The following NID1 variants were observed in gnomAD, a reference collection of about 807,000 sequenced individuals.
NID1 encodes the protein nidogen 1.
NID1 carries 76 observed loss-of-function variants against 130.6 expected under a neutral mutation model. The observed-to-expected ratio is 0.58, with a 90% CI of 0.48 to 0.70. The LOEUF (loss-of-function observed/expected upper bound fraction) is 0.70, where lower values mean the gene tolerates loss of function less well. Ranked by LOEUF, NID1 falls within the 30% of genes least tolerant of loss-of-function variation. The pLI, the probability that NID1 is intolerant of heterozygous loss-of-function variation, is 0.00. For synonymous variants in NID1, 665 were observed against 675.1 expected, an observed-to-expected ratio of 0.98 and a Z score of 0.23; for missense variants, 1,517 against 1,664.8, an observed-to-expected ratio of 0.91 and a Z score of 1.54.
chr1:236,062,456 G>A (rs1249932271), intron 1 of NID1, among the ~76,000 whole-genome samples: 1 of 151,930 alleles, frequency 6.6e-6, no homozygotes, highest in Non-Finnish European at 1.5e-5. Flanking sequence ...CCAACATGGA[G>A]AAACCCCGCC....
At chr1:235,992,320 C>CGTAAGTAGTT (rs1467991525) in intron 13 of NID1, among the ~76,000 whole-genome samples, 1 of 152,210 alleles carries the variant, frequency 6.6e-6, no homozygotes, top group Admixed American at 6.5e-5. Flanking sequence ...CGTTTCTCAC[C>CGTAAGTAGTT]TGGATTCATC....
At chr1:236,013,156 G>C (rs1281413912) in intron 11 of NID1, among the ~76,000 whole-genome samples, 2 of 152,202 alleles carry the variant, frequency 1.3e-5, no homozygotes, top group Non-Finnish European at 2.9e-5. Flanking sequence ...GTTCCTAGCA[G>C]AGAGCAGGTG....
intron 1 of NID1, chr1:236,060,738 T>A (rs1198423614): frequency 2.7e-5 from 4 of 148,002 alleles, no homozygotes; most frequent in African/African-American, 7.5e-5. Context: ...AAAGTTGATA[T>A]ACAAACCCCC....
intron 2 of NID1, 126 bp from the exon 3 acceptor site, chr1:236,045,809 T>A: frequency 1.4e-6 from 1 of 719,122 alleles, no homozygotes; most frequent in Non-Finnish European, 2.2e-6. Context: ...CACCTTATTC[T>A]AAAAGAAGGA....
intron 12 of NID1, among the ~76,000 whole-genome samples, chr1:236,004,913 C>T (rs909809127): frequency 3.9e-5 from 6 of 152,090 alleles, no homozygotes; most frequent in East Asian, 1.9e-4. Flanking sequence ...CGGTGGCTCA[C>T]GCCTGTAATC....
intron 9 of NID1, among the ~76,000 whole-genome samples, chr1:236,019,643 A>G (rs1335198821): frequency 1.3e-5 from 2 of 152,208 alleles, no homozygotes; most frequent in Non-Finnish European, 2.9e-5. Flanking sequence ...CATACACGCC[A>G]GACTAGACAA....
At chr1:236,007,874 G>C (rs1658294495) in intron 12 of NID1, among the ~76,000 whole-genome samples, 1 of 152,132 alleles carries the variant, frequency 6.6e-6, no homozygotes, top group Non-Finnish European at 1.5e-5. Flanking sequence ...TGTTTTAAGT[G>C]GCTAACTTTG....
In NID1 at chr1:235,980,096, G is replaced by A; in HGVS notation, c.3386-151C>T. ...CACATGAGGCTTGCTCTTAAAAACT[G>A]GCAAGTTGTCTCTTCCTCCCGTGTT... On this transcript the variant is annotated intron_variant, in intron 17 of 19. Transcript: ENST00000264187. 3.2e-6 allele frequency: 3 copies of A among 949,728 alleles called. No homozygotes were observed. In the Admixed American group the frequency reaches 6.7e-5, roughly 21 times the overall value. The allele number at this position is 949,728 out of a possible 1,614,324, so 58.8% of individuals were successfully genotyped here. A position where few individuals can be genotyped will look rare whatever the true frequency, so the allele number is the denominator to read the frequency against.
intron 9 of NID1, among the ~76,000 whole-genome samples, chr1:236,017,804 A>G (rs10927263): frequency 0.3 from 45,242 of 152,038 alleles, 7,318 homozygotes; most frequent in Non-Finnish European, 0.36. Context: ...CACCTCTCCT[A>G]GAGTTAATTT....
At position 236,045,492 on chromosome 1, in the gene NID1, A is replaced by C; in HGVS notation, c.717T>G (p.Phe239Leu). ...TTTCAACTGATTCCCTGTCATTAGC[A>C]AATATGTTATAAGCTCCGTTGCTCT... Reference protein sequence around the residue: ...LWKSNGAYNIFANDRESVENL... With the variant: ...LWKSNGAYNILANDRESVENL... The change falls in exon 3 of 20, where the codon TTT (phenylalanine) becomes TTG (leucine). Residue 239 changes from phenylalanine to leucine, a missense_variant. Transcript: ENST00000264187. The C allele has an allele frequency of 6.2e-7, 1 of 1,614,156 alleles. No homozygotes were observed. The highest frequency in any genetic ancestry group is 8.5e-7 in the Non-Finnish European group (1 of 1,180,016).
chr1:236,029,108 C>T (rs906280722), intron 7 of NID1, among the ~76,000 whole-genome samples: 5 of 150,970 alleles, frequency 3.3e-5, no homozygotes, highest in African/African-American at 7.3e-5. Context: ...GCCCAGGAGG[C>T]GGAGGTTGTA....
chr1:236,040,200 G>T (rs1308759894), intron 4 of NID1, among the ~76,000 whole-genome samples: 2 of 152,096 alleles, frequency 1.3e-5, no homozygotes, highest in African/African-American at 2.4e-5. Flanking sequence ...AACACATCTG[G>T]GGGAGATGAC....
rs186786482 is a variant in NID1 at position 235,993,634 on chromosome 1, C to T, written c.2755+11G>A. 2.2e-4 allele frequency: 343 copies of T among 1,526,218 alleles called. No individual in the cohort carries two copies. In the African/African-American group the frequency reaches 4.4e-3, roughly 20 times the overall value. The allele number at this position is 1,526,218 out of a possible 1,614,324, so 94.5% of individuals were successfully genotyped here. ...CAGGCACACGCCCAAGCACGGCCTG[C>T]ACCCACTTACACGGGGGCGTCATCC... On this transcript the variant is annotated intron_variant, in intron 13 of 19. Transcript: ENST00000264187.
intron 9 of NID1, among the ~76,000 whole-genome samples, chr1:236,019,564 C>T (rs980692236): frequency 6.6e-6 from 1 of 152,128 alleles, no homozygotes; most frequent in African/African-American, 2.4e-5. Context: ...ACAAATAGGA[C>T]CTCAGGGCTG....
chr1:236,055,164 C>T (rs1020955233), intron 1 of NID1, among the ~76,000 whole-genome samples: 30 of 151,574 alleles, frequency 2.0e-4, no homozygotes, highest in African/African-American at 6.5e-4. Context: ...ATTAGCCGGG[C>T]GTGGTGGCGG....
rs372952820 is a variant in NID1, at chr1:235,977,475, C to T, written c.*392G>A. 263 of 168,634 alleles carry T rather than the reference C, an allele frequency of 1.6e-3. No individual in the cohort carries two copies. Among genetic ancestry groups the T allele is most frequent in the African/African-American group, 5.7e-3 (240 of 41,954 alleles). The allele number at this position is 168,634 out of a possible 1,614,324, so 10.4% of individuals were successfully genotyped here. A position where few individuals can be genotyped will look rare whatever the true frequency, so the allele number is the denominator to read the frequency against. On this transcript the variant is annotated 3_prime_UTR_variant, in exon 20 of 20. Coordinates refer to ENST00000264187, the MANE Select transcript of NID1 (RefSeq NM_002508.3). ...CAAGGAGCTGACAGGACGGTGGGTA[C>T]CTCAAAGCGAGGCTGAGCTCATAAG...
At chr1:236,023,801 T>C (rs1658839916) in intron 9 of NID1, among the ~76,000 whole-genome samples, 1 of 152,214 alleles carries the variant, frequency 6.6e-6, no homozygotes, top group South Asian at 2.1e-4. Flanking sequence ...TACAACTCCT[T>C]TTAAACCTGT....
intron 14 of NID1, among the ~76,000 whole-genome samples, chr1:235,985,724 TTGTGTGTGTGTGTGTG>T (rs759787113): frequency 6.8e-6 from 1 of 147,588 alleles, no homozygotes; most frequent in Admixed American, 6.8e-5. Context: ...GTATAGGAAT[TTGTGTGTGTGTGTGTG>T]TGTGTGTGTG....
chr1:236,048,025 C>CAA (rs57153446), intron 2 of NID1, among the ~76,000 whole-genome samples: 1 of 33,934 alleles, frequency 2.9e-5, no homozygotes, highest in Non-Finnish European at 4.9e-5. Flanking sequence ...GACTCCATCT[C>CAA]AAAAAAAAAA....
Sources: gnomAD v4.1 joint callset for allele counts (sites outside exome capture counted in the v4.1 genomes callset) on GRCh38, gnomAD v4.1.1 for gene constraint, MANE v1.5 for transcripts, NCBI Gene and HGNC (gene_info 2026-07-23, HGNC 2026-07-21) for gene names.